SOX13: variants seen among roughly 807,000 people sequenced by gnomAD.
The protein encoded by SOX13 is SRY-box transcription factor 13.
In SOX13, 28 loss-of-function variants were observed where a neutral mutation model predicts 71.8. The observed-to-expected ratio is 0.39, with a 90% confidence interval of 0.29 to 0.53. The LOEUF is 0.53. Among genes scored for constraint, SOX13 ranks in the 20% least tolerant of loss-of-function variants. The pLI is 0.70. For synonymous variants in SOX13, 309 were observed against 317.8 expected (o/e 0.97, Z 0.29); for missense variants, 627 against 810.3 (o/e 0.77, Z 2.75).
At chr1:204,080,522 TCTC>T (rs931255459) in intron 1 of SOX13, among the ~76,000 whole-genome samples, 4 of 152,112 alleles carry the variant, frequency 2.6e-5, no homozygotes, top group African/African-American at 4.8e-5. Context: ...GCCCGACTGT[TCTC>T]CTCCCCTCTG....
In SOX13 at chr1:204,122,959, G is replaced by T; in HGVS notation, c.1130G>T (p.Arg377Leu). Reference protein sequence around the residue: ...ALDGSPNTPFRKDLISLDSSP... With the variant: ...ALDGSPNTPFLKDLISLDSSP... ...GATGGCTCCCCCAACACCCCCTTCC[G>T]TAAGGTATGGTCCCCCACTCCCTTG... is the stretch of plus-strand genomic sequence containing the variant. Residue 377 changes from arginine (R) to leucine (L), a missense_variant, in exon 10 of 14, where the codon CGT (arginine) becomes CTT (leucine). Coordinates refer to ENST00000367204, the MANE Select transcript of SOX13 (RefSeq NM_005686.3). The T allele has an allele frequency of 1.3e-6, 2 of 1,578,558 alleles. No individual in the cohort carries two copies. The highest frequency in any genetic ancestry group is 1.7e-6 in the Non-Finnish European group (2 of 1,156,912).
chr1:204,107,249 G>A (rs989632032), intron 1 of SOX13, among the ~76,000 whole-genome samples: 3 of 152,156 alleles, frequency 2.0e-5, no homozygotes, highest in Admixed American at 2.0e-4. Context: ...ATTTGACTAG[G>A]TTCATACAAG....
intron 1 of SOX13, among the ~76,000 whole-genome samples, chr1:204,100,548 A>C (rs1281864378): frequency 6.6e-6 from 1 of 152,190 alleles, no homozygotes; most frequent in East Asian, 1.9e-4. Flanking sequence ...CTTATTGAAA[A>C]GGCGCCAAAG....
chr1:204,102,809 T>C (rs1656387599), intron 1 of SOX13, among the ~76,000 whole-genome samples: 1 of 152,094 alleles, frequency 6.6e-6, no homozygotes, highest in Non-Finnish European at 1.5e-5. Context: ...ATTTTAGAGA[T>C]AGAGAAACTG....
chr1:204,080,274 C>A (rs765971537), intron 1 of SOX13, among the ~76,000 whole-genome samples: 22 of 152,282 alleles, frequency 1.4e-4, no homozygotes, highest in Non-Finnish European at 2.6e-4. Flanking sequence ...TATAAACTGC[C>A]CAAGGGATTG....
At chr1:204,125,808 G>A (rs1394349379) in intron 13 of SOX13, 50 bp from the exon 14 acceptor site, 2 of 1,572,260 alleles carry the variant, frequency 1.3e-6, no homozygotes, top group Non-Finnish European at 1.7e-6. Context: ...GATGGGTTTG[G>A]GGTTGAATCA....
chr1:204,104,176 C>G (rs1298390664), intron 1 of SOX13, among the ~76,000 whole-genome samples: 1 of 152,122 alleles, frequency 6.6e-6, no homozygotes, highest in South Asian at 2.1e-4. Flanking sequence ...GGGAGTTGAC[C>G]CAGCCTCTGT....
rs1293130428 is a variant in SOX13 at position 204,121,919 on chromosome 1, G to T, written c.795G>T (p.Leu265=). The T allele has an allele frequency of 4.3e-6, 7 of 1,612,564 alleles. No individual in the cohort carries two copies. Among genetic ancestry groups the T allele is most frequent in the African/African-American group, 2.7e-5 (2 of 74,886 alleles). Residue 265 remains leucine (L), a synonymous_variant, in exon 8 of 14, where the codon CTG becomes CTT. Transcript: ENST00000367204. The part of the protein sequence containing the change: ...PCKPVEYPLQ[L]LHSPPAPVVK... ...CCATAGTGGAGTATCCGCTGCAGCT[G>T]CTGCACAGCCCCCCTGCCCCAGTGG...
Position 204,110,124 on chromosome 1 carries a change from G to A in SOX13, c.-1-2791G>A, listed in dbSNP as rs552373007. 6.6e-5 allele frequency among the ~76,000 whole-genome samples: 10 copies of A among 152,072 alleles called. 1 individual carries two copies. The South Asian group carries it at 1.7e-3, about 25-fold the overall frequency. On this transcript the variant is annotated intron_variant, in intron 1 of 13. Coordinates refer to ENST00000367204, the MANE Select transcript of SOX13 (RefSeq NM_005686.3). ...TGGAATTACAGGCATGAGCCGCCGC[G>A]TCTGGCCAGTTGTTATCATTTCTGA...
intron 1 of SOX13, among the ~76,000 whole-genome samples, chr1:204,104,507 C>G (rs1193342666): frequency 6.6e-6 from 1 of 152,234 alleles, no homozygotes; most frequent in Non-Finnish European, 1.5e-5. Flanking sequence ...GGCACCCACG[C>G]CTTGGCCTAT....
chr1:204,099,747 G>A (rs61825742), intron 1 of SOX13, among the ~76,000 whole-genome samples: 3,303 of 152,246 alleles, frequency 0.022, 62 homozygotes, highest in Non-Finnish European at 0.032. Context: ...AAGTGGAGAT[G>A]ATAATATGAT....
intron 1 of SOX13, among the ~76,000 whole-genome samples, chr1:204,079,298 A>C (rs1228766991): frequency 1.3e-5 from 2 of 150,202 alleles, no homozygotes; most frequent in Non-Finnish European, 3.0e-5. Flanking sequence ...AACAAACAAA[A>C]AAAAGATTTC....
At chr1:204,074,580 C>A (rs1293913486) in intron 1 of SOX13, among the ~76,000 whole-genome samples, 3 of 152,212 alleles carry the variant, frequency 2.0e-5, no homozygotes, top group Non-Finnish European at 4.4e-5. Flanking sequence ...CGTCCCCAGG[C>A]GCGCAGGGAT....
chr1:204,085,440 T>TA (rs1018922644), intron 1 of SOX13, among the ~76,000 whole-genome samples: 1 of 152,162 alleles, frequency 6.6e-6, no homozygotes, highest in African/African-American at 2.4e-5. Context: ...GAGAGCATAT[T>TA]AAGGGCTCAA....
intron 1 of SOX13, among the ~76,000 whole-genome samples, chr1:204,085,332 G>A (rs1035495402): frequency 1.2e-4 from 18 of 152,156 alleles, no homozygotes; most frequent in African/African-American, 3.9e-4. Flanking sequence ...CTATTGTGAT[G>A]GTGAAATGTA....
intron 1 of SOX13, among the ~76,000 whole-genome samples, chr1:204,102,848 G>T (rs1350212713): frequency 6.6e-6 from 1 of 152,088 alleles, no homozygotes; most frequent in Non-Finnish European, 1.5e-5. Context: ...ACATCTAGTG[G>T]TATATAATAG....
intron 1 of SOX13, among the ~76,000 whole-genome samples, chr1:204,094,557 G>C (rs551484981): frequency 6.6e-6 from 1 of 152,196 alleles, no homozygotes; most frequent in Non-Finnish European, 1.5e-5. Flanking sequence ...CCCAATGCGG[G>C]CAGAGAGAGG....
chr1:204,074,703 C>A (rs938821237), intron 1 of SOX13, among the ~76,000 whole-genome samples: 3 of 152,182 alleles, frequency 2.0e-5, no homozygotes, highest in African/African-American at 7.2e-5. Context: ...CAGTACCGGG[C>A]GGGGCGGTGA....
intron 1 of SOX13, among the ~76,000 whole-genome samples, chr1:204,109,031 TG>T (rs1656524811): frequency 6.6e-6 from 1 of 152,220 alleles, no homozygotes; most frequent in African/African-American, 2.4e-5. Context: ...GCTCTCGGCC[TG>T]GCTCTGAGCC....
Sources: gnomAD v4.1 joint callset for allele counts (sites outside exome capture counted in the v4.1 genomes callset) on GRCh38, gnomAD v4.1.1 for gene constraint, MANE v1.5 for transcripts, NCBI Gene and HGNC (gene_info 2026-07-23, HGNC 2026-07-21) for gene names.